RAB3B: variants seen among roughly 807,000 people sequenced by gnomAD.
RAB3B encodes the protein ras-related protein Rab-3B.
In RAB3B, 11 loss-of-function variants were observed where a neutral mutation model predicts 20.5. The ratio of observed to expected loss-of-function variants is 0.54; its 90% confidence interval spans 0.34 to 0.89. RAB3B has a LOEUF of 0.89. Among genes scored for constraint, RAB3B ranks in the 40% least tolerant of loss-of-function variants. The pLI is 0.02. For missense variants in RAB3B, 225 were observed against 280.9 expected (o/e 0.80, Z 1.42); for synonymous variants, 99 against 106.3 (o/e 0.93, Z 0.42).
At chr1:51,976,244 C>T (rs1203183450) in intron 2 of RAB3B, among the ~76,000 whole-genome samples, 2 of 152,058 alleles carry the variant, frequency 1.3e-5, no homozygotes, top group African/African-American at 4.8e-5. Flanking sequence ...TGGCTCACTG[C>T]AGCCTCGACC....
intron 3 of RAB3B, among the ~76,000 whole-genome samples, chr1:51,936,641 C>T (rs1375073980): frequency 1.3e-5 from 2 of 152,072 alleles, no homozygotes; most frequent in African/African-American, 2.4e-5. Flanking sequence ...CATCCTTATT[C>T]ATTTGTCCCT....
chr1:51,952,116 G>A (rs1461735229), intron 2 of RAB3B, among the ~76,000 whole-genome samples: 1 of 152,184 alleles, frequency 6.6e-6, no homozygotes, highest in African/African-American at 2.4e-5. Context: ...GCCCTTATGA[G>A]AGTAATTAAT....
intron 2 of RAB3B, among the ~76,000 whole-genome samples, chr1:51,974,194 C>T (rs577327770): frequency 2.6e-5 from 4 of 152,308 alleles, no homozygotes; most frequent in South Asian, 4.1e-4. Flanking sequence ...GCTCTCACAT[C>T]CCCCTGTGCA....
At chr1:51,949,088 C>T (rs373624349) in intron 2 of RAB3B, among the ~76,000 whole-genome samples, 11 of 152,160 alleles carry the variant, frequency 7.2e-5, no homozygotes, top group African/African-American at 2.7e-4. Flanking sequence ...AGATAAAGAC[C>T]CTTCAGGATC....
At chr1:51,941,928 A>T (rs1184433532) in intron 2 of RAB3B, among the ~76,000 whole-genome samples, 1 of 152,366 alleles carries the variant, frequency 6.6e-6, no homozygotes, top group Admixed American at 6.5e-5. Flanking sequence ...GGTTCTGAAC[A>T]TTTAACACTG....
intron 4 of RAB3B, among the ~76,000 whole-genome samples, chr1:51,926,771 C>T (rs1294197990): frequency 1.3e-5 from 2 of 152,116 alleles, no homozygotes; most frequent in African/African-American, 4.8e-5. Context: ...GAGTACGGGG[C>T]CTGCCATCTA....
chr1:51,933,515 T>G (rs1034545987), intron 3 of RAB3B, 73 bp from the exon 4 acceptor site: 1 of 1,436,754 alleles, frequency 7.0e-7, no homozygotes, highest in Non-Finnish European at 9.6e-7. Context: ...ACCTCCAAAT[T>G]TACATGTTGA....
intron 4 of RAB3B, among the ~76,000 whole-genome samples, chr1:51,930,167 G>T (rs1684302459): frequency 1.3e-5 from 2 of 152,178 alleles, no homozygotes; most frequent in African/African-American, 4.8e-5. Context: ...ATGGCACTAA[G>T]ATTTAATCTC....
rs1283806198 is a variant in RAB3B, at chr1:51,934,730, C to T, written c.348-1288G>A. 1.5e-5 allele frequency among the ~76,000 whole-genome samples: 2 copies of T among 133,692 alleles called. 1 individual carries two copies. Among genetic ancestry groups the T allele is most frequent in the Non-Finnish European group, 3.1e-5 (2 of 65,318 alleles). The allele number at this position is 133,692 out of a possible 152,430, so 87.7% of individuals were successfully genotyped here. ...GGTGGAGCTTGCAGTGAGCCAAGAT[C>T]GCATCACTACACTCCAGCCTGGGTG... On this transcript the variant is annotated intron_variant, in intron 3 of 4. Coordinates refer to ENST00000371655, the MANE Select transcript of RAB3B (RefSeq NM_002867.4).
intron 2 of RAB3B, among the ~76,000 whole-genome samples, chr1:51,953,395 T>C (rs1421192714): frequency 6.6e-6 from 1 of 152,196 alleles, no homozygotes; most frequent in African/African-American, 2.4e-5. Flanking sequence ...GAAACATGAT[T>C]ATACTTAATA....
intron 2 of RAB3B, among the ~76,000 whole-genome samples, chr1:51,975,861 G>A (rs989538224): frequency 3.9e-5 from 6 of 152,086 alleles, no homozygotes; most frequent in Non-Finnish European, 4.4e-5. Context: ...GCATGGTGGC[G>A]GGCACCTGTA....
At chr1:51,971,010 C>CAAAAAAAAA (rs3074914) in intron 2 of RAB3B, among the ~76,000 whole-genome samples, 24 of 55,604 alleles carry the variant, frequency 4.3e-4, no homozygotes, top group Non-Finnish European at 5.6e-4. Context: ...GACTCCGTCT[C>CAAAAAAAAA]AAAAAAAAAA....
At chr1:51,982,918 A>G (rs1206016237) in intron 1 of RAB3B, among the ~76,000 whole-genome samples, 2 of 152,176 alleles carry the variant, frequency 1.3e-5, no homozygotes, top group East Asian at 3.8e-4. Flanking sequence ...GTGTTTATAA[A>G]GTCTCCTATA....
chr1:51,936,489 G>A (rs4926562), intron 3 of RAB3B, among the ~76,000 whole-genome samples: 128,597 of 152,110 alleles, frequency 0.85, 55,131 homozygotes, highest in East Asian at 0.99. Flanking sequence ...ATGTGAACCT[G>A]TTGGTTTCTA....
At chr1:51,970,733 C>T (rs189194565) in intron 2 of RAB3B, among the ~76,000 whole-genome samples, 19 of 152,118 alleles carry the variant, frequency 1.2e-4, no homozygotes, top group African/African-American at 3.9e-4. Flanking sequence ...TGGCTGGGCA[C>T]GGTGGCTCAC....
At chr1:51,961,484 A>T (rs1406237235) in intron 2 of RAB3B, among the ~76,000 whole-genome samples, 1 of 152,112 alleles carries the variant, frequency 6.6e-6, no homozygotes, top group Admixed American at 6.5e-5. Context: ...CTCTGGTGGC[A>T]AACATCCCTA....
chr1:51,933,500 T>A, intron 3 of RAB3B, 58 bp from the exon 4 acceptor site: 9 of 1,494,362 alleles, frequency 6.0e-6, no homozygotes, highest in Non-Finnish European at 8.2e-6. Flanking sequence ...AATGTCTGTG[T>A]CCCCACCTCC....
rs1491223921 is a variant in RAB3B at position 51,912,554 on chromosome 1, A to AAAAATATATATAT, written c.*7372_*7373insATATATATATTTT. The AAAAATATATATAT allele has an allele frequency of 6.5e-5, 1 of 15,502 alleles. No homozygotes were observed. The highest frequency in any genetic ancestry group is 1.5e-4 in the Non-Finnish European group (1 of 6,830). The allele number at this position is 15,502 out of a possible 1,614,324, so 1.0% of individuals were successfully genotyped here. A position where few individuals can be genotyped will look rare whatever the true frequency, so the allele number is the denominator to read the frequency against. ...AGACCGTCTCTATTAAAAAAAAAAA[A>AAAAATATATATAT]ATATATATATATATATATATATATA... On this transcript the variant is annotated 3_prime_UTR_variant, in exon 5 of 5. Transcript: ENST00000371655.
intron 2 of RAB3B, among the ~76,000 whole-genome samples, chr1:51,966,029 C>T (rs556478074): frequency 9.7e-4 from 147 of 152,316 alleles, no homozygotes; most frequent in African/African-American, 3.2e-3. Flanking sequence ...TCAATGTGTG[C>T]GTGCCTGGTG....
Sources: allele counts gnomAD v4.1 joint callset (sites outside exome capture counted in the v4.1 genomes callset), GRCh38; gene constraint gnomAD v4.1.1; transcripts MANE v1.5; gene names NCBI Gene and HGNC (gene_info 2026-07-23, HGNC 2026-07-21).